TAFA2: variants seen among roughly 807,000 people sequenced by gnomAD.
The protein encoded by TAFA2 is chemokine-like protein TAFA-2.
In TAFA2, 7 loss-of-function variants were observed where a neutral mutation model predicts 18.8. The ratio of observed to expected loss-of-function variants is 0.37; its 90% CI spans 0.21 to 0.70. The LOEUF is 0.70. Ranked by LOEUF, TAFA2 falls within the 30% of genes least tolerant of loss-of-function variation. The pLI, the probability that TAFA2 is intolerant of heterozygous loss-of-function variation, is 0.53. For synonymous variants in TAFA2, 60 were observed against 54.2 expected, an observed-to-expected ratio of 1.11 and a Z score of -0.47; for missense variants, 122 against 158.1, an observed-to-expected ratio of 0.77 and a Z score of 1.23.
At chr12:61,896,320 C>T (rs1457579420) in intron 1 of TAFA2, among the ~76,000 whole-genome samples, 2 of 152,104 alleles carry the variant, frequency 1.3e-5, no homozygotes, top group Admixed American at 1.3e-4. Flanking sequence ...GTCAAAAGCA[C>T]AAATTAAGCC....
chr12:62,066,970 C>T (rs1882506310), intron 1 of TAFA2, among the ~76,000 whole-genome samples: 2 of 152,032 alleles, frequency 1.3e-5, no homozygotes, highest in Non-Finnish European at 2.9e-5. Flanking sequence ...TCCTCCTCAG[C>T]ATTTGTTATT....
At chr12:61,860,787 T>C (rs1297833875) in intron 2 of TAFA2, among the ~76,000 whole-genome samples, 1 of 152,220 alleles carries the variant, frequency 6.6e-6, no homozygotes, top group African/African-American at 2.4e-5. Flanking sequence ...CCTGAAACTG[T>C]ACCCTATCCA....
chr12:61,880,366 T>C (rs1875070629), intron 1 of TAFA2: 2 of 521,592 alleles, frequency 3.8e-6, no homozygotes, highest in Admixed American at 2.0e-5. Flanking sequence ...CCATTAAGGA[T>C]GCCAACACCA....
At chr12:61,804,968 A>G (rs1437794013) in intron 2 of TAFA2, among the ~76,000 whole-genome samples, 1 of 151,942 alleles carries the variant, frequency 6.6e-6, no homozygotes, top group Non-Finnish European at 1.5e-5. Flanking sequence ...AAAATAATCA[A>G]ACATACTCTA....
chr12:61,989,815 A>G (rs1414804414), intron 1 of TAFA2, among the ~76,000 whole-genome samples: 1 of 152,162 alleles, frequency 6.6e-6, no homozygotes, highest in Non-Finnish European at 1.5e-5. Context: ...GATACCAATT[A>G]CCCATGCTGG....
chr12:62,192,936 AT>A (rs1289258897), upstream of TAFA2: 3 of 152,366 alleles, frequency 2.0e-5, no homozygotes, highest in South Asian at 2.1e-4. Flanking sequence ...AAAGAAAAAA[AT>A]ATCTGGTTTC....
rs141114023 is a variant in TAFA2 at position 62,182,013 on chromosome 12, G to A, written c.-2+9246C>T. ...CATCCCCCCCCCGCTACACATAGTA[G>A]CTACTCAAGTAGAACAAAAACCTAG... On this transcript the variant is annotated intron_variant, in intron 1 of 4. Coordinates refer to ENST00000416284, the MANE Select transcript of TAFA2 (RefSeq NM_178539.5). Among the ~76,000 whole-genome samples, 364 of 146,138 alleles carry A rather than the reference G, an allele frequency of 2.5e-3. 2 individuals are homozygous for A. Among genetic ancestry groups the A allele is most frequent in the African/African-American group, 9.1e-3 (353 of 38,962 alleles).
chr12:61,827,942 T>A (rs1872584454), intron 2 of TAFA2, among the ~76,000 whole-genome samples: 1 of 151,958 alleles, frequency 6.6e-6, no homozygotes, highest in Non-Finnish European at 1.5e-5. Flanking sequence ...CAAAAGATGA[T>A]CCATTTCATC....
At chr12:62,202,693 AGATCCTGGTACTTTG>A (rs1231845838) in intron 1 of TAFA2, among the ~76,000 whole-genome samples, 2 of 152,086 alleles carry the variant, frequency 1.3e-5, no homozygotes, top group Non-Finnish European at 2.9e-5. Context: ...TGCATCCCAG[AGATCCTGGTACTTTG>A]TCTCTTTGTT....
At chr12:62,005,665 A>T (rs1015935947) in intron 1 of TAFA2, among the ~76,000 whole-genome samples, 1 of 152,088 alleles carries the variant, frequency 6.6e-6, no homozygotes, top group South Asian at 2.1e-4. Flanking sequence ...GAGAGGATCA[A>T]TGTTTTCTCT....
intron 1 of TAFA2, among the ~76,000 whole-genome samples, chr12:62,151,026 C>T (rs1418700480): frequency 1.3e-5 from 2 of 152,008 alleles, no homozygotes; most frequent in Non-Finnish European, 2.9e-5. Flanking sequence ...ACAGTAAATC[C>T]ACATGAACTT....
chr12:61,999,930 C>T (rs970840908), intron 1 of TAFA2, among the ~76,000 whole-genome samples: 3 of 152,102 alleles, frequency 2.0e-5, no homozygotes, highest in African/African-American at 7.2e-5. Flanking sequence ...AGGTTCTTTT[C>T]CTCCCTACTT....
chr12:61,879,154 C>T (rs916935175), intron 1 of TAFA2, among the ~76,000 whole-genome samples: 2 of 152,158 alleles, frequency 1.3e-5, no homozygotes, highest in African/African-American at 4.8e-5. Flanking sequence ...GCCTGGGCAA[C>T]AGAGCCAAGA....
intron 1 of TAFA2, among the ~76,000 whole-genome samples, chr12:62,185,970 T>A (rs1039815012): frequency 3.9e-5 from 6 of 152,204 alleles, no homozygotes; most frequent in African/African-American, 1.2e-4. Flanking sequence ...AATGATCAGT[T>A]TTTTGTACCA....
intron 1 of TAFA2, among the ~76,000 whole-genome samples, chr12:62,211,124 CATAG>C (rs1414976798): frequency 2.6e-5 from 4 of 152,140 alleles, no homozygotes; most frequent in Non-Finnish European, 5.9e-5. Flanking sequence ...TTTAATTGTA[CATAG>C]ATAGCACCTG....
rs141293413 is a variant in TAFA2 at position 61,924,280 on chromosome 12, G to A, written c.-1-56854C>T. On this transcript the variant is annotated intron_variant, in intron 1 of 4. Transcript: ENST00000416284. ...CTCAAGGAGAGCAACCCCAAGACAC[G>A]TAATCGTCAGATTCTCCAAGGTTGA... 3.9e-3 allele frequency among the ~76,000 whole-genome samples: 592 copies of A among 152,088 alleles called. 5 individuals carry two copies. The highest frequency in any genetic ancestry group is 0.013 in the African/African-American group (557 of 41,506).
intron 1 of TAFA2, among the ~76,000 whole-genome samples, chr12:62,226,422 C>A (rs1395029822): frequency 6.6e-6 from 1 of 152,156 alleles, no homozygotes; most frequent in Non-Finnish European, 1.5e-5. Flanking sequence ...TGGTCTCGAT[C>A]TCCTGACCTC....
At chr12:61,808,345 A>C (rs1275927969) in intron 2 of TAFA2, among the ~76,000 whole-genome samples, 1 of 151,084 alleles carries the variant, frequency 6.6e-6, no homozygotes, top group Non-Finnish European at 1.5e-5. Flanking sequence ...TGGTCAATAA[A>C]CCTCTTTTCT....
At chr12:62,113,532 A>G (rs1592343899) in intron 1 of TAFA2, among the ~76,000 whole-genome samples, 1 of 152,036 alleles carries the variant, frequency 6.6e-6, no homozygotes, top group Admixed American at 6.5e-5. Flanking sequence ...GTGCTAGGAG[A>G]TCCACTGCTC....
Sources: allele counts gnomAD v4.1 joint callset (sites outside exome capture counted in the v4.1 genomes callset), GRCh38; gene constraint gnomAD v4.1.1; transcripts MANE v1.5; gene names NCBI Gene and HGNC (gene_info 2026-07-23, HGNC 2026-07-21).